The following TTC28 variants were observed in gnomAD, a reference collection of about 807,000 sequenced individuals.
TTC28 encodes the protein tetratricopeptide repeat protein 28.
TTC28 carries 61 observed loss-of-function variants against 198.0 expected under a neutral mutation model. That is an observed-to-expected ratio of 0.31 (90% CI 0.25 to 0.38). TTC28 has a LOEUF of 0.38. TTC28 is among the 10% of genes least tolerant of loss of function. The pLI is 1.00. For synonymous variants in TTC28, 1,171 were observed against 1,297.8 expected (o/e 0.90, Z 2.10); for missense variants, 2,678 against 3,164.0 (o/e 0.85, Z 3.69).
Position 28,268,525 on chromosome 22 carries a change from TTAG to T in TTC28, c.933+27670_933+27672del, listed in dbSNP as rs1455404870. Among the ~76,000 whole-genome samples the T allele has an allele frequency of 2.6e-5, 4 of 152,334 alleles. No individual in the cohort carries two copies. In the East Asian group the frequency reaches 5.8e-4, roughly 22 times the overall value. On this transcript the variant is annotated intron_variant, in intron 5 of 22. Transcript: ENST00000397906. ...AGCCAATTGCCACAGTAATGCATAC[TTAG>T]TAGTAAGAACCATTGAACCAGAGCA... is the stretch of plus-strand genomic sequence containing the variant.
At chr22:28,362,458 T>C (rs1017225268) in intron 2 of TTC28, among the ~76,000 whole-genome samples, 5 of 152,114 alleles carry the variant, frequency 3.3e-5, no homozygotes, top group South Asian at 2.1e-4. Flanking sequence ...ATCAGCAGCA[T>C]GAAAATGGAC....
At position 28,163,322 on chromosome 22, in the gene TTC28, T is replaced by C. The variant is rs747527879; in HGVS notation, c.1211A>G (p.Tyr404Cys). 2.6e-5 allele frequency: 40 copies of C among 1,551,992 alleles called. No individual in the cohort carries two copies. Among genetic ancestry groups the C allele is most frequent in the African/African-American group, 1.5e-4 (11 of 73,062 alleles). The change falls in exon 6 of 23, where the codon TAT (tyrosine) becomes TGT (cysteine). Residue 404 changes from tyrosine (Y) to cysteine (C), a missense_variant. Coordinates refer to ENST00000397906, the MANE Select transcript of TTC28 (RefSeq NM_001145418.2). Reference sequence around the variant, plus strand: ...CTTGTCAAAGTTCCTCCGGTAGTGATAGGCACTGCCCAGGTTGCTATAAGC... The same window carrying C: ...CTTGTCAAAGTTCCTCCGGTAGTGACAGGCACTGCCCAGGTTGCTATAAGC... ...ARAYSNLGSAYHYRRNFDKAM... is the reference protein window; with the variant it reads ...ARAYSNLGSACHYRRNFDKAM...
chr22:28,194,661 C>T (rs113889570), intron 5 of TTC28, among the ~76,000 whole-genome samples: 752 of 151,250 alleles, frequency 5.0e-3, no homozygotes, highest in Non-Finnish European at 7.5e-3. Context: ...AACACCTCTA[C>T]GGAAATAAAC....
chr22:28,381,482 G>C (rs956363406), intron 2 of TTC28, among the ~76,000 whole-genome samples: 7 of 152,054 alleles, frequency 4.6e-5, no homozygotes, highest in African/African-American at 1.7e-4. Context: ...TTAGTAGATG[G>C]TGCCTTCCTG....
In TTC28 at chr22:28,256,421, CAA is replaced by C. The variant is rs60958364; in HGVS notation, c.933+39775_933+39776del. 4.9e-3 allele frequency among the ~76,000 whole-genome samples: 321 copies of C among 65,288 alleles called. 1 individual carries two copies. The highest frequency in any genetic ancestry group is 0.015 in the African/African-American group (297 of 19,364). 42.8% of individuals were successfully genotyped at this position (65,288 alleles called of 152,430 possible). On this transcript the variant is annotated intron_variant, in intron 5 of 22. Transcript: ENST00000397906. ...GGGCAACAAGAACAAAACTCCGTCT[CAA>C]AAAAAAAAAAAAAAAATACGAGAGA... is the stretch of plus-strand genomic sequence containing the variant.
intron 2 of TTC28, among the ~76,000 whole-genome samples, chr22:28,530,706 A>G (rs1367092303): frequency 6.6e-6 from 1 of 152,228 alleles, no homozygotes; most frequent in Admixed American, 6.5e-5. Context: ...CTAACAGCAG[A>G]TGTCTCGGCA....
chr22:28,644,598 G>A (rs1175331646), intron 1 of TTC28, among the ~76,000 whole-genome samples: 8 of 152,056 alleles, frequency 5.3e-5, no homozygotes, highest in Admixed American at 1.3e-4. Context: ...GCCAAGACGG[G>A]CAAATCACTT....
At chr22:28,646,027 AT>A (rs2051460380) in intron 1 of TTC28, among the ~76,000 whole-genome samples, 1 of 152,134 alleles carries the variant, frequency 6.6e-6, no homozygotes, top group Non-Finnish European at 1.5e-5. Context: ...AATGATGCCC[AT>A]TTTCACCAGT....
In TTC28 at chr22:28,037,072, G is replaced by T. The variant is rs183984924; in HGVS notation, c.3933-6706C>A. ...TCCAGGACCAGATGGATTCACAGCCGAATTCTACCAGAGGCATAAGGAGGA... is the reference window on the plus strand; with the variant it reads ...TCCAGGACCAGATGGATTCACAGCCTAATTCTACCAGAGGCATAAGGAGGA... On this transcript the variant is annotated intron_variant, in intron 12 of 22. Coordinates refer to ENST00000397906, the MANE Select transcript of TTC28 (RefSeq NM_001145418.2). 4.3e-3 allele frequency among the ~76,000 whole-genome samples: 651 copies of T among 152,196 alleles called. 6 individuals are homozygous for T. The highest frequency in any genetic ancestry group is 0.015 in the African/African-American group (618 of 41,502).
chr22:28,596,374 T>C (rs2050544387), intron 2 of TTC28, among the ~76,000 whole-genome samples: 1 of 152,178 alleles, frequency 6.6e-6, no homozygotes, highest in Non-Finnish European at 1.5e-5. Context: ...TGGGCCATGA[T>C]AAGAATTTTA....
In TTC28 at chr22:28,030,282, C is replaced by T. The variant is rs745548425; in HGVS notation, c.4017G>A (p.Ser1339=). The T allele has an allele frequency of 5.1e-5, 79 of 1,551,616 alleles. 2 individuals are homozygous for T. The South Asian group carries it at 6.4e-4, about 13-fold the overall frequency. ...QFEEMNNKLN[S]VTDPTGFLRM... ...GCAGAAAGCCAGTGGGGTCAGTGAC[C>T]GAGTTGAGTTTGTTGTTCATCTCTT... Residue 1339 remains serine (S), a synonymous_variant, in exon 13 of 23, where the codon TCG becomes TCA. Coordinates refer to ENST00000397906, the MANE Select transcript of TTC28 (RefSeq NM_001145418.2).
At chr22:28,278,118 A>G (rs1013660108) in intron 5 of TTC28, among the ~76,000 whole-genome samples, 1 of 152,016 alleles carries the variant, frequency 6.6e-6, no homozygotes, top group African/African-American at 2.4e-5. Context: ...AGTCCCTAAT[A>G]TGGGTGTAGC....
intron 2 of TTC28, among the ~76,000 whole-genome samples, chr22:28,522,304 T>C (rs1358957975): frequency 2.0e-5 from 3 of 151,996 alleles, no homozygotes; most frequent in Non-Finnish European, 2.9e-5. Flanking sequence ...CTGGCCAACA[T>C]GATGAAACCC....
chr22:28,670,555 T>G (rs1432976476), intron 1 of TTC28, among the ~76,000 whole-genome samples: 1 of 152,058 alleles, frequency 6.6e-6, no homozygotes, highest in Non-Finnish European at 1.5e-5. Flanking sequence ...GAAATAATAC[T>G]CCACTGGAAA....
intron 5 of TTC28, among the ~76,000 whole-genome samples, chr22:28,179,160 G>GT (rs1163588647): frequency 2.2e-4 from 32 of 145,706 alleles, no homozygotes; most frequent in South Asian, 8.7e-4. Context: ...TTGTTTTTTT[G>GT]TTTTGTTTTT....
chr22:28,610,086 A>G (rs1393135735), intron 2 of TTC28, among the ~76,000 whole-genome samples: 1 of 152,224 alleles, frequency 6.6e-6, no homozygotes, highest in Admixed American at 6.5e-5. Context: ...CAGCAGCCCC[A>G]GTCAAGGGCT....
chr22:28,318,267 G>A (rs893634422), intron 2 of TTC28, among the ~76,000 whole-genome samples: 28 of 152,038 alleles, frequency 1.8e-4, no homozygotes, highest in African/African-American at 6.0e-4. Context: ...TGGATTGTGA[G>A]AGAATGTTAA....
At chr22:28,149,438 CT>C (rs1302907022) in intron 6 of TTC28, among the ~76,000 whole-genome samples, 2 of 152,174 alleles carry the variant, frequency 1.3e-5, no homozygotes, top group Non-Finnish European at 2.9e-5. Context: ...ACAAAAAATT[CT>C]GTCACTTAAG....
At chr22:28,223,966 C>A (rs769365023) in intron 5 of TTC28, among the ~76,000 whole-genome samples, 4 of 152,162 alleles carry the variant, frequency 2.6e-5, no homozygotes, top group Non-Finnish European at 5.9e-5. Context: ...TATGTTATTT[C>A]TTTTCATCCT....
Sources: allele counts gnomAD v4.1 joint callset (sites outside exome capture counted in the v4.1 genomes callset), GRCh38; gene constraint gnomAD v4.1.1; transcripts MANE v1.5; gene names NCBI Gene and HGNC (gene_info 2026-07-23, HGNC 2026-07-21).